Variants in ABTB3 observed in about 807,000 individuals in gnomAD.
ABTB3 encodes ankyrin repeat and BTB domain containing 3, also known as ankyrin repeat- and BTB/POZ domain-containing protein 3.
the ABTB3 span, among the ~76,000 whole-genome samples, chr12:107,348,912 G>A: frequency 6.6e-6 from 1 of 152,156 alleles, no homozygotes; most frequent in Non-Finnish European, 1.5e-5. Flanking sequence ...AGTGAGGGGG[G>A]GACCCTAGGC....
chr12:107,320,058 G>A, the ABTB3 span: 1 of 1,505,292 alleles, frequency 6.6e-7, no homozygotes, highest in Non-Finnish European at 9.0e-7. Context: ...CACCTGATCT[G>A]CGGGAAGAAC....
the ABTB3 span, among the ~76,000 whole-genome samples, chr12:107,413,033 G>T: frequency 1.3e-5 from 2 of 152,072 alleles, no homozygotes; most frequent in East Asian, 3.9e-4. Flanking sequence ...CCAGCACTTT[G>T]GGAGGCCGAA....
chr12:107,381,981 G>T, the ABTB3 span, among the ~76,000 whole-genome samples: 1 of 152,146 alleles, frequency 6.6e-6, no homozygotes, highest in East Asian at 1.9e-4. Flanking sequence ...TGTTTATTGA[G>T]CCCCCTATGG....
the ABTB3 span, among the ~76,000 whole-genome samples, chr12:107,429,350 G>A: frequency 6.6e-6 from 1 of 152,188 alleles, no homozygotes; most frequent in South Asian, 2.1e-4. Context: ...AAGCCACACT[G>A]CCATCAGCCT....
the ABTB3 span, among the ~76,000 whole-genome samples, chr12:107,537,268 G>A: frequency 1.3e-5 from 2 of 152,090 alleles, no homozygotes; most frequent in African/African-American, 4.8e-5. Flanking sequence ...GGTTGGTTAT[G>A]GATACAAACT....
chr12:107,615,236 C>G, the ABTB3 span: 1 of 1,172,426 alleles, frequency 8.5e-7, no homozygotes. Context: ...ATACCTCTCC[C>G]AGCATGCATA....
At chr12:107,457,578 A>C in the ABTB3 span, among the ~76,000 whole-genome samples, 2 of 152,214 alleles carry the variant, frequency 1.3e-5, no homozygotes, top group African/African-American at 4.8e-5. Context: ...CAATCTTGTT[A>C]GAGCAGAAAA....
At chr12:107,362,690 G>C in the ABTB3 span, among the ~76,000 whole-genome samples, 5 of 152,208 alleles carry the variant, frequency 3.3e-5, no homozygotes, top group East Asian at 9.7e-4. Flanking sequence ...CTACTTGGGA[G>C]TCTGAGGTGG....
the ABTB3 span, chr12:107,620,131 G>T: frequency 7.4e-6 from 12 of 1,614,084 alleles, no homozygotes; most frequent in Middle Eastern, 1.6e-4. Context: ...CCCAAGGCCT[G>T]CCCCTGATGT....
At chr12:107,417,939 A>G in the ABTB3 span, among the ~76,000 whole-genome samples, 2 of 152,254 alleles carry the variant, frequency 1.3e-5, no homozygotes, top group Non-Finnish European at 2.9e-5. Context: ...TTTGGAGGCA[A>G]TTCTAGAAAG....
At chr12:107,649,692 C>A in the ABTB3 span, 8 of 178,996 alleles carry the variant, frequency 4.5e-5, no homozygotes, top group South Asian at 1.1e-3. Flanking sequence ...ATTATATCCC[C>A]TAAAAACATC....
chr12:107,616,213 C>T, the ABTB3 span, among the ~76,000 whole-genome samples: 12 of 152,172 alleles, frequency 7.9e-5, no homozygotes, highest in East Asian at 1.9e-4. Flanking sequence ...AGGACATTCC[C>T]GACCTTTAAA....
At chr12:107,334,318 CA>C in the ABTB3 span, among the ~76,000 whole-genome samples, 1 of 152,020 alleles carries the variant, frequency 6.6e-6, no homozygotes, top group African/African-American at 2.4e-5. Context: ...AGGGTGGTAG[CA>C]GTGGAGGTGG....
the ABTB3 span, among the ~76,000 whole-genome samples, chr12:107,498,880 A>T: frequency 6.6e-6 from 1 of 152,242 alleles, no homozygotes; most frequent in Non-Finnish European, 1.5e-5. Context: ...TGACCATGCC[A>T]TGTTAGGAAC....
the ABTB3 span, among the ~76,000 whole-genome samples, chr12:107,529,585 C>T: frequency 4.5e-4 from 69 of 152,200 alleles, no homozygotes; most frequent in Non-Finnish European, 1.5e-4. Flanking sequence ...ATATGCATTT[C>T]TTCATTTAAT....
At chr12:107,649,308 G>A in the ABTB3 span, 1 of 1,581,932 alleles carries the variant, frequency 6.3e-7, no homozygotes, top group South Asian at 1.1e-5. Context: ...GCTATCATAG[G>A]TCCCTTGGGT....
chr12:107,327,764 A>G, the ABTB3 span, among the ~76,000 whole-genome samples: 2 of 152,226 alleles, frequency 1.3e-5, no homozygotes, highest in East Asian at 3.8e-4. Flanking sequence ...ACTAAGTTCT[A>G]TATTAGTTAG....
At chr12:107,657,769 C>CA in the ABTB3 span, 1 of 1,585,958 alleles carries the variant, frequency 6.3e-7, no homozygotes, top group South Asian at 1.1e-5. Flanking sequence ...TCTCCTGCCG[C>CA]ATTGGCTTTA....
the ABTB3 span, among the ~76,000 whole-genome samples, chr12:107,372,810 G>A: frequency 1.3e-5 from 2 of 152,168 alleles, no homozygotes; most frequent in Non-Finnish European, 2.9e-5. Context: ...CAGTGGACCT[G>A]GAGATATTGA....
Sources: allele counts gnomAD v4.1 joint callset (sites outside exome capture counted in the v4.1 genomes callset), GRCh38; gene constraint gnomAD v4.1.1; transcripts MANE v1.5; gene names NCBI Gene and HGNC (gene_info 2026-07-23, HGNC 2026-07-21).